Variants in CMIP observed in about 807,000 individuals in gnomAD.
The protein encoded by CMIP is c-Maf inducing protein, also known as C-Maf-inducing protein.
In CMIP, 13 loss-of-function variants were observed where a neutral mutation model predicts 97.3. The observed-to-expected ratio is 0.13, with a 90% CI of 0.09 to 0.21. The LOEUF (loss-of-function observed/expected upper bound fraction) is 0.21, where lower values mean the gene tolerates loss of function less well. Among genes scored for constraint, CMIP ranks in the 10% least tolerant of loss-of-function variants. The pLI, the probability that CMIP is intolerant of heterozygous loss-of-function variation, is 1.00. For missense variants in CMIP, 847 were observed against 1,024.9 expected, an observed-to-expected ratio of 0.83 and a Z score of 2.37; for synonymous variants, 538 against 436.3, an observed-to-expected ratio of 1.23 and a Z score of -2.91.
Position 81,593,725 on chromosome 16 carries a change from G to GA in CMIP, c.301-13842_301-13841insA, listed in dbSNP as rs1567599438. Reference sequence around the variant, plus strand: ...CACAAATGGATCCTCGCCTCACCCGGTGCCTGCCTGTAGCCTCTCCCATCT... The same window carrying GA: ...CACAAATGGATCCTCGCCTCACCCGGATGCCTGCCTGTAGCCTCTCCCATCT... On this transcript the variant is annotated intron_variant, in intron 1 of 20. Coordinates refer to ENST00000537098, the MANE Select transcript of CMIP (RefSeq NM_198390.3). 2.8e-4 allele frequency among the ~76,000 whole-genome samples: 42 copies of GA among 152,256 alleles called. No individual in the cohort carries two copies. The South Asian group carries it at 5.0e-3, about 18-fold the overall frequency.
At chr16:81,467,883 C>CTTTTT (rs754844403) in intron 1 of CMIP, among the ~76,000 whole-genome samples, 2 of 113,450 alleles carry the variant, frequency 1.8e-5, no homozygotes, top group African/African-American at 3.3e-5. Context: ...GCCTGGCCTT[C>CTTTTT]TTTTTTTTTT....
intron 1 of CMIP, among the ~76,000 whole-genome samples, chr16:81,564,813 G>A (rs1000837062): frequency 6.6e-6 from 1 of 152,240 alleles, no homozygotes; most frequent in Non-Finnish European, 1.5e-5. Context: ...AGGCATGTAC[G>A]TGGGAATGAA....
At chr16:81,502,849 G>A (rs2089637947) in intron 1 of CMIP, among the ~76,000 whole-genome samples, 1 of 152,212 alleles carries the variant, frequency 6.6e-6, no homozygotes, top group Non-Finnish European at 1.5e-5. Flanking sequence ...TTCCATTCCT[G>A]AACAGGCCTC....
intron 1 of CMIP, among the ~76,000 whole-genome samples, chr16:81,556,460 A>G (rs1420939282): frequency 6.6e-6 from 1 of 152,182 alleles, no homozygotes; most frequent in Non-Finnish European, 1.5e-5. Flanking sequence ...CGCGCCAACA[A>G]TGCGTGAAGG....
At chr16:81,555,517 C>G (rs1244226732) in intron 1 of CMIP, among the ~76,000 whole-genome samples, 1 of 152,222 alleles carries the variant, frequency 6.6e-6, no homozygotes, top group African/African-American at 2.4e-5. Context: ...ACAAAAGGGT[C>G]TAAGGCCTCA....
intron 1 of CMIP, among the ~76,000 whole-genome samples, chr16:81,560,959 A>G (rs184826299): frequency 2.0e-5 from 3 of 152,238 alleles, no homozygotes; most frequent in East Asian, 1.9e-4. Context: ...TAAGAGATGC[A>G]TGACTTTTTT....
intron 18 of CMIP, among the ~76,000 whole-genome samples, chr16:81,705,150 G>A (rs4889370): frequency 0.092 from 14,071 of 152,122 alleles, 676 homozygotes; most frequent in East Asian, 0.15. Context: ...GCCTGCCCCC[G>A]GCCCAGCCCT....
chr16:81,487,209 C>A (rs988858220), intron 1 of CMIP, among the ~76,000 whole-genome samples: 2 of 152,196 alleles, frequency 1.3e-5, no homozygotes, highest in African/African-American at 4.8e-5. Flanking sequence ...CCCTCCCCAC[C>A]CTCCCTTGCC....
intron 2 of CMIP, chr16:81,611,274 T>C (rs2091827056): frequency 6.6e-6 from 1 of 152,258 alleles, no homozygotes; most frequent in Admixed American, 6.5e-5. Flanking sequence ...CCTTTTCATT[T>C]TGACCTCATA....
In CMIP at chr16:81,492,583, C is replaced by T. The variant is rs202103560; in HGVS notation, c.300+47042C>T. On this transcript the variant is annotated intron_variant, in intron 1 of 20. Coordinates refer to ENST00000537098, the MANE Select transcript of CMIP (RefSeq NM_198390.3). ...GCCGGCTGGGCCTTGCTAGCAGGGC[C>T]GGGCCTTGCTGGCCAGGCCAGGCTA... 1.6e-4 allele frequency among the ~76,000 whole-genome samples: 15 copies of T among 94,330 alleles called. 1 individual carries two copies. In the East Asian group the frequency reaches 3.9e-3, roughly 24 times the overall value. 61.9% of individuals were successfully genotyped at this position (94,330 alleles called of 152,430 possible).
intron 1 of CMIP, among the ~76,000 whole-genome samples, chr16:81,483,262 G>T (rs1352863574): frequency 6.6e-6 from 1 of 152,276 alleles, no homozygotes; most frequent in East Asian, 1.9e-4. Flanking sequence ...ATGGGGCAGC[G>T]GCTAAAGGAG....
chr16:81,571,188 C>T (rs527781129), intron 1 of CMIP, among the ~76,000 whole-genome samples: 2 of 152,060 alleles, frequency 1.3e-5, no homozygotes, highest in Non-Finnish European at 2.9e-5. Flanking sequence ...GAAAAAAAGA[C>T]AGGCGGGTGC....
chr16:81,690,002 C>T (rs1014047658), intron 10 of CMIP, among the ~76,000 whole-genome samples: 1 of 152,138 alleles, frequency 6.6e-6, no homozygotes, highest in African/African-American at 2.4e-5. Context: ...CTGTTCTGTT[C>T]CATTGGTCTG....
chr16:81,501,463 C>T (rs534318658), intron 1 of CMIP, among the ~76,000 whole-genome samples: 7 of 151,052 alleles, frequency 4.6e-5, no homozygotes, highest in South Asian at 2.1e-4. Flanking sequence ...TATAAGGTTA[C>T]GCTATTAAAT....
chr16:81,493,052 G>T (rs2089430157), intron 1 of CMIP, among the ~76,000 whole-genome samples: 1 of 152,290 alleles, frequency 6.6e-6, no homozygotes, highest in South Asian at 2.1e-4. Flanking sequence ...AGGAGCCGCT[G>T]GCGGGGGTCA....
chr16:81,536,072 C>T (rs1009626359), intron 1 of CMIP, among the ~76,000 whole-genome samples: 9 of 152,076 alleles, frequency 5.9e-5, no homozygotes, highest in Admixed American at 3.3e-4. Context: ...AGCAGGGACC[C>T]GAAGCATCCC....
intron 1 of CMIP, among the ~76,000 whole-genome samples, chr16:81,573,492 C>T (rs893907438): frequency 6.6e-6 from 1 of 152,178 alleles, no homozygotes. Flanking sequence ...GAGAGGAATT[C>T]CACCTTTGGC....
At chr16:81,705,473 G>A (rs1173798787) in intron 18 of CMIP, 26 bp from the exon 19 acceptor site, 1 of 1,522,174 alleles carries the variant, frequency 6.6e-7, no homozygotes, top group African/African-American at 1.4e-5. Context: ...GGCCGGGAGA[G>A]GGCTGAGAGT....
chr16:81,602,523 A>G (rs4889350), intron 1 of CMIP, among the ~76,000 whole-genome samples: 36,383 of 152,178 alleles, frequency 0.24, 5,436 homozygotes, highest in East Asian at 0.46. Context: ...CAGCCAAGTG[A>G]CATCGCCCCC....
Sources: gnomAD v4.1 joint callset for allele counts (sites outside exome capture counted in the v4.1 genomes callset) on GRCh38, gnomAD v4.1.1 for gene constraint, MANE v1.5 for transcripts, NCBI Gene and HGNC (gene_info 2026-07-23, HGNC 2026-07-21) for gene names.